The following LPIN2 variants were observed in gnomAD, a reference collection of about 807,000 sequenced individuals.
The protein encoded by LPIN2 is lipin 2, also known as phosphatidate phosphatase LPIN2.
In LPIN2, 55 loss-of-function variants were observed where a neutral mutation model predicts 111.4. The ratio of observed to expected loss-of-function variants is 0.49; its 90% CI spans 0.40 to 0.62. The LOEUF is 0.62. LPIN2 is among the 20% of genes least tolerant of loss of function. The pLI is 0.00. For synonymous variants in LPIN2, 425 were observed against 414.0 expected, an observed-to-expected ratio of 1.03 and a Z score of -0.32; for missense variants, 992 against 1,112.1, an observed-to-expected ratio of 0.89 and a Z score of 1.54.
intron 6 of LPIN2, among the ~76,000 whole-genome samples, chr18:2,939,039 C>T (rs898549697): frequency 2.0e-5 from 3 of 152,158 alleles, no homozygotes; most frequent in Non-Finnish European, 4.4e-5. Context: ...CACACACCTG[C>T]AGTCTCAGCT....
At position 2,993,238 on chromosome 18, in the gene LPIN2, TAGG is replaced by T. The variant is rs745881837; in HGVS notation, c.-10+19846_-10+19848del. 4.0e-4 allele frequency among the ~76,000 whole-genome samples: 61 copies of T among 151,838 alleles called. No homozygotes were observed. The South Asian group carries it at 0.011, about 29-fold the overall frequency. ...AAGAAGAAAGAAGAAAGAAAAAAGG[TAGG>T]AGAAGAAAAATAGGAATTAAAATTA... On this transcript the variant is annotated intron_variant, in intron 1 of 19. Transcript: ENST00000677752.
chr18:2,921,204 C>CCA, intron 18 of LPIN2: 1 of 546,996 alleles, frequency 1.8e-6, no homozygotes, highest in African/African-American at 1.9e-5. Context: ...TAGCGAAGGG[C>CCA]CAGCACTGAC....
chr18:2,939,649 C>A (rs377430441), intron 5 of LPIN2, 46 bp from the exon 6 acceptor site: 310 of 1,605,566 alleles, frequency 1.9e-4, no homozygotes, highest in Admixed American at 8.3e-4. Context: ...GTCGGGAAAC[C>A]TTCAGTCTTG....
At chr18:2,972,001 C>T (rs566324015) in intron 1 of LPIN2, among the ~76,000 whole-genome samples, 10 of 152,132 alleles carry the variant, frequency 6.6e-5, no homozygotes, top group African/African-American at 2.2e-4. Context: ...GAGCCAAGAT[C>T]GCGCCACTGC....
At chr18:2,940,837 C>A (rs2077358122) in intron 4 of LPIN2, 125 bp from the exon 5 acceptor site, 4 of 691,590 alleles carry the variant, frequency 5.8e-6, no homozygotes, top group Non-Finnish European at 1.0e-5. Context: ...CTAACTCTCT[C>A]TAAAATATAT....
intron 7 of LPIN2, 64 bp from the exon 8 acceptor site, chr18:2,934,514 C>T: frequency 1.9e-6 from 2 of 1,036,258 alleles, no homozygotes; most frequent in Non-Finnish European, 3.0e-6. Flanking sequence ...CTGCAAAACA[C>T]ACGCACGTTT....
At chr18:2,922,292 T>C in intron 16 of LPIN2, 93 bp from the exon 17 acceptor site, 8 of 1,436,574 alleles carry the variant, frequency 5.6e-6, no homozygotes, top group Non-Finnish European at 7.6e-6. Flanking sequence ...TTCTTTCTTT[T>C]TTTTTTGAGT....
intron 2 of LPIN2, among the ~76,000 whole-genome samples, chr18:2,958,141 C>CAAAAAAAAAAAAAAACAAA (rs2077642694): frequency 8.4e-5 from 1 of 11,954 alleles, no homozygotes; most frequent in African/African-American, 1.9e-4. Context: ...GACTCCATCT[C>CAAAAAAAAAAAAAAACAAA]AAAAAAAAAA....
chr18:2,939,239 A>G (rs1353616343), intron 6 of LPIN2, among the ~76,000 whole-genome samples: 1 of 152,258 alleles, frequency 6.6e-6, no homozygotes, highest in Non-Finnish European at 1.5e-5. Flanking sequence ...AATAATTAAC[A>G]ATCATTATTA....
chr18:3,008,919 T>C (rs2078559492), intron 1 of LPIN2, among the ~76,000 whole-genome samples: 6 of 141,810 alleles, frequency 4.2e-5, no homozygotes, highest in Admixed American at 3.6e-4. Context: ...GGTCTTGCCA[T>C]GTTGTCCAGG....
intron 1 of LPIN2, among the ~76,000 whole-genome samples, chr18:2,961,589 C>T (rs1214974522): frequency 6.6e-6 from 1 of 152,160 alleles, no homozygotes; most frequent in Non-Finnish European, 1.5e-5. Context: ...GCAAGGAGTT[C>T]TCCAGAAAGG....
chr18:2,963,904 T>G (rs529798405), intron 1 of LPIN2, among the ~76,000 whole-genome samples: 1 of 151,982 alleles, frequency 6.6e-6, no homozygotes, highest in Non-Finnish European at 1.5e-5. Context: ...AACTCTTTTT[T>G]TGAAAGCTCG....
chr18:3,002,486 A>G (rs1201244699), intron 1 of LPIN2, among the ~76,000 whole-genome samples: 1 of 152,178 alleles, frequency 6.6e-6, no homozygotes, highest in Non-Finnish European at 1.5e-5. Flanking sequence ...TGCTTTCTAG[A>G]CGTCCCATTC....
intron 1 of LPIN2, among the ~76,000 whole-genome samples, chr18:2,993,617 C>T (rs1013080571): frequency 4.2e-4 from 63 of 148,274 alleles, no homozygotes; most frequent in African/African-American, 1.5e-3. Flanking sequence ...AAAAAGTTAA[C>T]GTGTAACTTT....
intron 6 of LPIN2, among the ~76,000 whole-genome samples, chr18:2,938,698 T>C (rs2077326010): frequency 6.6e-6 from 1 of 152,214 alleles, no homozygotes; most frequent in Admixed American, 6.5e-5. Flanking sequence ...AGTGTAAAAG[T>C]GGCAAGTCTA....
At chr18:2,962,670 T>G (rs1476841099) in intron 1 of LPIN2, among the ~76,000 whole-genome samples, 1 of 152,220 alleles carries the variant, frequency 6.6e-6, no homozygotes, top group African/African-American at 2.4e-5. Context: ...CTAGATCTCA[T>G]GCATCCTTTT....
At position 2,927,105 on chromosome 18, in the gene LPIN2, T is replaced by TC. The variant is rs2077144568; in HGVS notation, c.1711-301dup. Among the ~76,000 whole-genome samples, 3 of 152,258 alleles carry TC rather than the reference T, an allele frequency of 2.0e-5. No individual in the cohort carries two copies. The South Asian group carries it at 6.2e-4, about 32-fold the overall frequency. ...ACTTGTTAGGTCCCCAGCTTCCTTC[T>TC]CCTCCTGGGAGTAACTCACCACGTG... On this transcript the variant is annotated intron_variant, in intron 12 of 19. Coordinates refer to ENST00000677752, the MANE Select transcript of LPIN2 (RefSeq NM_001375808.2).
At chr18:2,924,653 ATGGTTTCCGGGGTCT>A in intron 14 of LPIN2, 107 bp from the exon 15 acceptor site, 1 of 1,223,770 alleles carries the variant, frequency 8.2e-7, no homozygotes, top group South Asian at 1.3e-5. Context: ...AAGAGGCAGG[ATGGTTTCCGGGGTCT>A]TAGACACAGC....
At position 2,931,410 on chromosome 18, in the gene LPIN2, C is replaced by T. The variant is rs757880885; in HGVS notation, c.1302G>A (p.Glu434=). The T allele has an allele frequency of 3.1e-6, 5 of 1,604,054 alleles. No individual in the cohort carries two copies. In the South Asian group the frequency reaches 5.6e-5, roughly 18 times the overall value. The part of the protein sequence containing the change: ...ESEPGSRQWP[E]SDTLSGSQSP... Reference sequence around the variant, plus strand: ...ACTGGGAGCCAGAGAGTGTGTCAGACTCGGGCCACTGCCTGGAACCGGGCT... The same window carrying T: ...ACTGGGAGCCAGAGAGTGTGTCAGATTCGGGCCACTGCCTGGAACCGGGCT... Residue 434 remains glutamate (E), a synonymous_variant, in exon 9 of 20, where the codon GAG becomes GAA. Transcript: ENST00000677752.
Sources: gnomAD v4.1 joint callset for allele counts (sites outside exome capture counted in the v4.1 genomes callset) on GRCh38, gnomAD v4.1.1 for gene constraint, MANE v1.5 for transcripts, NCBI Gene and HGNC (gene_info 2026-07-23, HGNC 2026-07-21) for gene names.